Variants in RAP1A observed in about 807,000 individuals in gnomAD.
The protein encoded by RAP1A is ras-related protein Rap-1A.
Under a neutral mutation model 26.4 loss-of-function variants are expected in RAP1A, and 6 were observed. The observed-to-expected ratio is 0.23, with a 90% CI of 0.12 to 0.45. The LOEUF (loss-of-function observed/expected upper bound fraction) is 0.45, where lower values mean the gene tolerates loss of function less well. RAP1A is among the 20% of genes least tolerant of loss of function. The pLI is 0.99. For synonymous variants in RAP1A, 73 were observed against 79.4 expected (o/e 0.92, Z 0.43); for missense variants, 121 against 217.2 (o/e 0.56, Z 2.78).
At chr1:111,683,142 C>A (rs1490894518) in intron 1 of RAP1A, among the ~76,000 whole-genome samples, 1 of 152,112 alleles carries the variant, frequency 6.6e-6, no homozygotes. Flanking sequence ...CACAACGTAC[C>A]AGAATCTCTG....
chr1:111,684,882 A>G (rs931340586), intron 1 of RAP1A, among the ~76,000 whole-genome samples: 1 of 152,202 alleles, frequency 6.6e-6, no homozygotes, highest in African/African-American at 2.4e-5. Context: ...ACTTCAAACT[A>G]TACTATAAGG....
At chr1:111,686,253 CA>C (rs1022684258) in intron 1 of RAP1A, among the ~76,000 whole-genome samples, 1 of 152,006 alleles carries the variant, frequency 6.6e-6, no homozygotes, top group African/African-American at 2.4e-5. Flanking sequence ...ACATGTATTC[CA>C]GAATTTAAAG....
chr1:111,648,323 A>ACCACTTTGCCATC (rs1553219197), intron 1 of RAP1A: 1 of 908,110 alleles, frequency 1.1e-6, no homozygotes, highest in Non-Finnish European at 1.7e-6. Context: ...GGTCTCAGAT[A>ACCACTTTGCCATC]CCACTTTGCC....
intron 1 of RAP1A, among the ~76,000 whole-genome samples, chr1:111,614,609 A>G (rs921721700): frequency 1.3e-5 from 2 of 152,210 alleles, no homozygotes; most frequent in Non-Finnish European, 2.9e-5. Flanking sequence ...ACATGAAAAG[A>G]AATGTACCTA....
chr1:111,697,100 T>C (rs35162074), intron 3 of RAP1A, among the ~76,000 whole-genome samples: 20,579 of 152,240 alleles, frequency 0.14, 2,183 homozygotes, highest in African/African-American at 0.3. Context: ...TAAATACACA[T>C]ATGTACTTTT....
chr1:111,684,627 A>G (rs1661410897), intron 1 of RAP1A, among the ~76,000 whole-genome samples: 3 of 152,214 alleles, frequency 2.0e-5, no homozygotes, highest in Non-Finnish European at 2.9e-5. Flanking sequence ...ACAAGGAAAT[A>G]AGAGAGGACA....
chr1:111,673,898 G>A (rs1557886980), intron 1 of RAP1A, among the ~76,000 whole-genome samples: 1 of 152,162 alleles, frequency 6.6e-6, no homozygotes, highest in Non-Finnish European at 1.5e-5. Flanking sequence ...GTGACCCATG[G>A]TGTTTGTTAG....
intron 1 of RAP1A, among the ~76,000 whole-genome samples, chr1:111,579,276 C>G (rs568053788): frequency 5.9e-5 from 9 of 152,140 alleles, no homozygotes; most frequent in Non-Finnish European, 1.2e-4. Context: ...CACACTAAGT[C>G]ACCTTATTAG....
intron 1 of RAP1A, among the ~76,000 whole-genome samples, chr1:111,561,149 G>C (rs1427247644): frequency 6.6e-6 from 1 of 152,152 alleles, no homozygotes; most frequent in African/African-American, 2.4e-5. Flanking sequence ...TTTGAGACAG[G>C]GTCTCCCTCT....
intron 1 of RAP1A, among the ~76,000 whole-genome samples, chr1:111,614,222 C>T (rs1001399256): frequency 3.9e-5 from 6 of 152,068 alleles, no homozygotes; most frequent in Non-Finnish European, 5.9e-5. Context: ...ACTAATAATA[C>T]GTACTTTAAT....
chr1:111,566,524 T>C (rs1403895928), intron 1 of RAP1A, among the ~76,000 whole-genome samples: 2 of 152,196 alleles, frequency 1.3e-5, no homozygotes, highest in African/African-American at 4.8e-5. Flanking sequence ...AGTGGCCATA[T>C]TTCCCCCTGA....
At chr1:111,566,045 A>C (rs17663802) in intron 1 of RAP1A, among the ~76,000 whole-genome samples, 38,017 of 151,690 alleles carry the variant, frequency 0.25, 5,413 homozygotes, top group Non-Finnish European at 0.32. Context: ...GCAAGCAGGT[A>C]GGCGGAGATG....
intron 4 of RAP1A, among the ~76,000 whole-genome samples, chr1:111,700,024 CTG>C (rs1557897366): frequency 1.3e-5 from 2 of 152,286 alleles, no homozygotes; most frequent in East Asian, 3.9e-4. Flanking sequence ...CTGATTTCCT[CTG>C]TCTCATTGGT....
At chr1:111,622,016 T>G (rs1011650319) in intron 1 of RAP1A, among the ~76,000 whole-genome samples, 2 of 152,210 alleles carry the variant, frequency 1.3e-5, no homozygotes, top group African/African-American at 4.8e-5. Context: ...ATGTTGTATA[T>G]GCACATGTTC....
At chr1:111,652,950 A>G (rs534649764) in intron 1 of RAP1A, among the ~76,000 whole-genome samples, 2 of 152,382 alleles carry the variant, frequency 1.3e-5, no homozygotes, top group African/African-American at 2.4e-5. Context: ...TTGGAAACGT[A>G]TGTGTACACT....
At chr1:111,654,175 G>C (rs1457747181) in intron 1 of RAP1A, among the ~76,000 whole-genome samples, 1 of 152,196 alleles carries the variant, frequency 6.6e-6, no homozygotes, top group Admixed American at 6.5e-5. Flanking sequence ...TATTCTTAAC[G>C]AGTTACTGTA....
intron 1 of RAP1A, among the ~76,000 whole-genome samples, chr1:111,586,796 G>A (rs1557858483): frequency 6.6e-6 from 1 of 152,164 alleles, no homozygotes; most frequent in Admixed American, 6.6e-5. Context: ...TGTTGAGAAG[G>A]CACTTTACTG....
intron 1 of RAP1A, among the ~76,000 whole-genome samples, chr1:111,669,348 G>A (rs891308690): frequency 5.6e-4 from 86 of 152,296 alleles, no homozygotes; most frequent in African/African-American, 1.9e-3. Context: ...ATGTGACAAG[G>A]CTTTGGTAAT....
At chr1:111,542,224 C>T (rs1355859239) in exon 1 of RAP1A, 2 of 600,866 alleles carry the variant, frequency 3.3e-6, no homozygotes, top group East Asian at 4.6e-5. Flanking sequence ...AGACATCCTT[C>T]GCGTACTGAC....
Sources: allele counts gnomAD v4.1 joint callset (sites outside exome capture counted in the v4.1 genomes callset), GRCh38; gene constraint gnomAD v4.1.1; transcripts MANE v1.5; gene names NCBI Gene and HGNC (gene_info 2026-07-23, HGNC 2026-07-21).